Variants in CDH12 observed in about 807,000 individuals in gnomAD.
CDH12 encodes the protein cadherin-12.
Under a neutral mutation model 74.1 loss-of-function variants are expected in CDH12, and 41 were observed. The observed-to-expected ratio is 0.55, with a 90% CI of 0.43 to 0.72. The LOEUF (loss-of-function observed/expected upper bound fraction) is 0.72. CDH12 is among the 30% of genes least tolerant of loss of function. The pLI, the probability that CDH12 is intolerant of heterozygous loss-of-function variation, is 0.00. For synonymous variants in CDH12, 399 were observed against 355.0 expected (o/e 1.12, Z -1.39); for missense variants, 945 against 977.2 (o/e 0.97, Z 0.44).
chr5:21,790,834 C>T (rs1183803413), intron 10 of CDH12, among the ~76,000 whole-genome samples: 2 of 152,010 alleles, frequency 1.3e-5, no homozygotes, highest in Non-Finnish European at 2.9e-5. Context: ...AGTCGTGGCA[C>T]ACATAACCTT....
At chr5:21,971,985 C>T (rs1756872197) in intron 6 of CDH12, among the ~76,000 whole-genome samples, 1 of 152,072 alleles carries the variant, frequency 6.6e-6, no homozygotes, top group Admixed American at 6.6e-5. Context: ...TGCTGTAAGT[C>T]TTAAATATTG....
At chr5:22,211,576 T>G (rs1751545462) in intron 4 of CDH12, among the ~76,000 whole-genome samples, 1 of 151,920 alleles carries the variant, frequency 6.6e-6, no homozygotes, top group Admixed American at 6.6e-5. Flanking sequence ...TTCAGGTAAT[T>G]AAACTTTGGA....
chr5:21,941,038 T>C (rs887497157), intron 6 of CDH12, among the ~76,000 whole-genome samples: 6 of 152,236 alleles, frequency 3.9e-5, no homozygotes, highest in Admixed American at 3.3e-4. Flanking sequence ...GCTTTGAATA[T>C]TCTTTTTGCT....
chr5:22,823,137 A>G (rs1749799444), intron 1 of CDH12, among the ~76,000 whole-genome samples: 1 of 151,788 alleles, frequency 6.6e-6, no homozygotes, highest in Non-Finnish European at 1.5e-5. Context: ...GCAAGGACAA[A>G]AAACCAAACA....
chr5:21,757,633 TG>T (rs1166238636), intron 13 of CDH12, among the ~76,000 whole-genome samples: 1 of 152,192 alleles, frequency 6.6e-6, no homozygotes, highest in African/African-American at 2.4e-5. Context: ...CCTGAAATTT[TG>T]TGACAAGTAC....
At chr5:22,655,454 T>C (rs1246391754) in intron 1 of CDH12, among the ~76,000 whole-genome samples, 1 of 152,238 alleles carries the variant, frequency 6.6e-6, no homozygotes, top group Non-Finnish European at 1.5e-5. Flanking sequence ...ATTACTTCAC[T>C]TGTAATCTCC....
At chr5:22,687,660 C>T (rs1329119086) in intron 1 of CDH12, among the ~76,000 whole-genome samples, 1 of 152,140 alleles carries the variant, frequency 6.6e-6, no homozygotes, top group African/African-American at 2.4e-5. Context: ...AGTGACCCAC[C>T]TGCCTCAGCC....
intron 1 of CDH12, among the ~76,000 whole-genome samples, chr5:22,525,554 G>C (rs553722299): frequency 3.5e-5 from 5 of 142,122 alleles, no homozygotes; most frequent in South Asian, 2.5e-4. Flanking sequence ...GGGAGGGAGG[G>C]AATGGAATGC....
chr5:22,104,697 C>T (rs1261303913), intron 4 of CDH12, among the ~76,000 whole-genome samples: 1 of 152,128 alleles, frequency 6.6e-6, no homozygotes, highest in Non-Finnish European at 1.5e-5. Context: ...AGCCCATAGT[C>T]CTTTATCCTC....
At chr5:21,985,346 A>C (rs1008492986) in intron 5 of CDH12, among the ~76,000 whole-genome samples, 62 of 152,200 alleles carry the variant, frequency 4.1e-4, no homozygotes, top group African/African-American at 1.4e-3. Context: ...TGTCCTACTT[A>C]ATACGGACAT....
chr5:21,968,770 A>G (rs1307075747), intron 6 of CDH12, among the ~76,000 whole-genome samples: 1 of 152,164 alleles, frequency 6.6e-6, no homozygotes, highest in African/African-American at 2.4e-5. Context: ...AATGTGGTAC[A>G]TATACACCAT....
At chr5:22,162,278 C>A (rs1280419295) in intron 4 of CDH12, among the ~76,000 whole-genome samples, 1 of 152,064 alleles carries the variant, frequency 6.6e-6, no homozygotes, top group Non-Finnish European at 1.5e-5. Flanking sequence ...AGTTGCCACC[C>A]GTTTCTCTCT....
chr5:22,023,020 T>C (rs1388039123), intron 5 of CDH12, among the ~76,000 whole-genome samples: 1 of 152,168 alleles, frequency 6.6e-6, no homozygotes, highest in Non-Finnish European at 1.5e-5. Context: ...ATAACAATTA[T>C]CTCATATTAA....
In CDH12 at chr5:22,380,975, T is replaced by C. The variant is rs1403072783; in HGVS notation, c.-333+24282A>G. On this transcript the variant is annotated intron_variant, in intron 3 of 14. Coordinates refer to ENST00000382254, the MANE Select transcript of CDH12 (RefSeq NM_004061.5). ...TGTAGATGAGATTCAAGAAATATTA[T>C]ACTGTATAAGAAGTGCTGGAGGATA... Among the ~76,000 whole-genome samples, 8 of 152,246 alleles carry C rather than the reference T, an allele frequency of 5.3e-5. No homozygotes were observed. In the East Asian group the frequency reaches 9.6e-4, roughly 18 times the overall value.
chr5:22,076,339 A>G (rs1352502434), intron 5 of CDH12, among the ~76,000 whole-genome samples: 1 of 152,146 alleles, frequency 6.6e-6, no homozygotes, highest in Non-Finnish European at 1.5e-5. Context: ...AATCCCATGG[A>G]CTGTTCGGGG....
At chr5:22,566,988 G>A (rs142894382) in intron 1 of CDH12, among the ~76,000 whole-genome samples, 6 of 152,170 alleles carry the variant, frequency 3.9e-5, no homozygotes, top group Non-Finnish European at 8.8e-5. Context: ...ACAAATAAAC[G>A]ATGTCACCAC....
intron 2 of CDH12, among the ~76,000 whole-genome samples, chr5:22,470,412 TTTTA>T (rs1271392354): frequency 1.5e-5 from 2 of 137,770 alleles, no homozygotes; most frequent in African/African-American, 2.7e-5. Context: ...TTTTATTTTA[TTTTA>T]TTTATTTTAT....
chr5:22,039,098 G>A (rs1050310945), intron 5 of CDH12, among the ~76,000 whole-genome samples: 1 of 152,108 alleles, frequency 6.6e-6, no homozygotes, highest in African/African-American at 2.4e-5. Context: ...GACTTACAGA[G>A]TCTGGGATAC....
chr5:21,823,354 C>T (rs1228192318), intron 8 of CDH12, among the ~76,000 whole-genome samples: 2 of 152,008 alleles, frequency 1.3e-5, no homozygotes, highest in African/African-American at 4.8e-5. Context: ...TCCTGTCTTA[C>T]CAGTTTGTTT....
Sources: gnomAD v4.1 joint callset for allele counts (sites outside exome capture counted in the v4.1 genomes callset) on GRCh38, gnomAD v4.1.1 for gene constraint, MANE v1.5 for transcripts, NCBI Gene and HGNC (gene_info 2026-07-23, HGNC 2026-07-21) for gene names.